ICE1: variants seen among roughly 807,000 people sequenced by gnomAD.
ICE1 encodes little elongation complex subunit 1.
ICE1 carries 64 observed loss-of-function variants against 192.7 expected under a neutral mutation model. That is an observed-to-expected ratio of 0.33 (90% CI 0.27 to 0.41). The LOEUF (loss-of-function observed/expected upper bound fraction) is 0.41. Among genes scored for constraint, ICE1 ranks in the 10% least tolerant of loss-of-function variants. The pLI is 1.00. For missense variants in ICE1, 2,708 were observed against 2,696.0 expected (o/e 1.00, Z -0.10); for synonymous variants, 1,010 against 984.5 (o/e 1.03, Z -0.49).
rs758310333 is a variant in ICE1, at chr5:5,457,400, G to A, written c.760G>A (p.Gly254Ser). Residue 254 changes from glycine (G) to serine (S), a missense_variant, in exon 12 of 19, where the codon GGC becomes AGC. This residue lies in a region of ICE1 where 2,366 missense variants were observed against 2,276.6 expected (regional missense o/e 1.04). Coordinates refer to ENST00000296564, the MANE Select transcript of ICE1 (RefSeq NM_015325.3). The stretch of plus-strand genomic sequence containing the variant: ...AGATGGTACGCTACCTCCAACACAG[G>A]GCAGCCCTCTCAGGACCTCAAATGT... ...GEDGTLPPTQ[G>S]SPLRTSNVQT... 2 of 1,613,700 alleles carry A rather than the reference G, an allele frequency of 1.2e-6. No homozygotes were observed. Among genetic ancestry groups the A allele is most frequent in the South Asian group, 1.1e-5 (1 of 91,042 alleles).
At chr5:5,436,608 A>C in intron 2 of ICE1, 132 bp downstream of exon 2, 1 of 478,008 alleles carries the variant, frequency 2.1e-6, no homozygotes, top group Middle Eastern at 3.0e-4. Context: ...CATGGTACTG[A>C]TTATAATTCC....
At chr5:5,480,276 GT>G (rs1239328845) in intron 17 of ICE1, among the ~76,000 whole-genome samples, 8,557 of 140,244 alleles carry the variant, frequency 0.061, 899 homozygotes, top group African/African-American at 0.22. Context: ...TTGAGATGGA[GT>G]CTGGCTCTGT....
Position 5,461,045 on chromosome 5 carries a change from G to A in ICE1, c.1711G>A (p.Glu571Lys), listed in dbSNP as rs749149749. The part of the protein sequence containing the change: ...SEFTKWTRIN[E>K]ITSEPDRITV... Reference sequence around the variant, plus strand: ...GTTTACTAAGTGGACACGAATTAATGAAATCACTTCTGAACCAGACCGTAT... The same window carrying A: ...GTTTACTAAGTGGACACGAATTAATAAAATCACTTCTGAACCAGACCGTAT... The change falls in exon 13 of 19, where the codon GAA becomes AAA. Residue 571 changes from glutamate to lysine, a missense_variant. Coordinates refer to ENST00000296564, the MANE Select transcript of ICE1 (RefSeq NM_015325.3). 1.2e-6 allele frequency: 2 copies of A among 1,614,052 alleles called. No individual in the cohort carries two copies. Among genetic ancestry groups the A allele is most frequent in the Non-Finnish European group, 1.7e-6 (2 of 1,179,898 alleles).
chr5:5,481,297 TG>T (rs1291008935), intron 17 of ICE1, among the ~76,000 whole-genome samples: 1 of 152,200 alleles, frequency 6.6e-6, no homozygotes, highest in African/African-American at 2.4e-5. Flanking sequence ...GTGATTTTTT[TG>T]TTCTTGTTTT....
chr5:5,448,011 G>A (rs1475901850), intron 10 of ICE1, 114 bp downstream of exon 10: 16 of 722,718 alleles, frequency 2.2e-5, no homozygotes, highest in African/African-American at 3.6e-5. Context: ...TAGATGTTTC[G>A]TTTTAGTAGA....
rs61736166 is a variant in ICE1 at position 5,463,284 on chromosome 5, A to G, written c.3950A>G (p.Glu1317Gly). 71 of 1,613,504 alleles carry G rather than the reference A, an allele frequency of 4.4e-5. No individual in the cohort carries two copies. Among genetic ancestry groups the G allele is most frequent in the Non-Finnish European group, 5.4e-5 (64 of 1,179,784 alleles). ...ACTGGCTCCTCATCACATGCTTCAG[A>G]ACCAACCCCACAAGCAGCTGCCTTG... is the stretch of plus-strand genomic sequence containing the variant. The part of the protein sequence containing the change: ...ETTGSSSHAS[E>G]PTPQAAALDT... The change falls in exon 13 of 19, where the codon GAA becomes GGA. Residue 1317 changes from glutamate (E) to glycine (G), a missense_variant. Glu to Gly is a moderately conservative substitution (Grantham distance 98, BLOSUM62 -2). This residue lies in a region of ICE1 where 2,366 missense variants were observed against 2,276.6 expected (regional missense o/e 1.04). Coordinates refer to ENST00000296564, the MANE Select transcript of ICE1 (RefSeq NM_015325.3).
At chr5:5,424,467 A>G (rs1487735488) in intron 1 of ICE1, among the ~76,000 whole-genome samples, 2 of 152,114 alleles carry the variant, frequency 1.3e-5, no homozygotes, top group Non-Finnish European at 1.5e-5. Context: ...AATTCACTCA[A>G]CAAACATTTA....
intron 1 of ICE1, among the ~76,000 whole-genome samples, chr5:5,423,488 T>C (rs1055115444): frequency 2.6e-5 from 4 of 152,218 alleles, no homozygotes; most frequent in African/African-American, 9.6e-5. Flanking sequence ...TTTCAGCTTA[T>C]AGCAGATGTG....
chr5:5,475,880 C>T (rs1377348382), intron 16 of ICE1, 93 bp from the exon 17 acceptor site: 1 of 778,068 alleles, frequency 1.3e-6, no homozygotes, highest in Non-Finnish European at 2.1e-6. Context: ...CAGCAGTTAT[C>T]CTCTTTCACT....
intron 17 of ICE1, among the ~76,000 whole-genome samples, chr5:5,476,875 A>G (rs1739330392): frequency 6.6e-6 from 1 of 152,188 alleles, no homozygotes; most frequent in Non-Finnish European, 1.5e-5. Context: ...TACTTGCTTG[A>G]TAAGGGTCAC....
At chr5:5,467,280 G>A (rs1244105967) in intron 14 of ICE1, among the ~76,000 whole-genome samples, 1 of 152,136 alleles carries the variant, frequency 6.6e-6, no homozygotes, top group Non-Finnish European at 1.5e-5. Context: ...AAAATCAGAT[G>A]GAGGTACACT....
rs1404649002 is a variant in ICE1 at position 5,457,191 on chromosome 5, T to C, written c.692-141T>C. 4.2e-6 allele frequency: 3 copies of C among 718,236 alleles called. No homozygotes were observed. The Admixed American group carries it at 9.8e-5, about 23-fold the overall frequency. The allele number at this position is 718,236 out of a possible 1,614,324, so 44.5% of individuals were successfully genotyped here. On this transcript the variant is annotated intron_variant, in intron 11 of 18. Coordinates refer to ENST00000296564, the MANE Select transcript of ICE1 (RefSeq NM_015325.3). ...TCTAGGATAATGTTTAGAAAGCGAT[T>C]GGTTGCCTTTTAAAAAATTACTTGG...
chr5:5,433,589 A>G (rs1737787254), intron 1 of ICE1, among the ~76,000 whole-genome samples: 1 of 152,176 alleles, frequency 6.6e-6, no homozygotes, highest in African/African-American at 2.4e-5. Context: ...TAGGGAGGGA[A>G]ATAAAAGCAA....
In ICE1 at chr5:5,461,143, T is replaced by G. The variant is rs1223627182; in HGVS notation, c.1809T>G (p.Thr603=). Residue 603 remains threonine (T), a synonymous_variant, in exon 13 of 19, where the codon ACT becomes ACG. Coordinates refer to ENST00000296564, the MANE Select transcript of ICE1 (RefSeq NM_015325.3). ...EKEKEDTQGF[T]LGESPESEDD... Reference sequence around the variant, plus strand: ...AAAAAGAAGATACTCAAGGGTTCACTTTAGGAGAATCACCTGAATCAGAAG... The same window carrying G: ...AAAAAGAAGATACTCAAGGGTTCACGTTAGGAGAATCACCTGAATCAGAAG... 3 of 1,613,996 alleles carry G rather than the reference T, an allele frequency of 1.9e-6. No individual in the cohort carries two copies. Among genetic ancestry groups the G allele is most frequent in the East Asian group, 2.2e-5 (1 of 44,890 alleles).
At chr5:5,479,983 G>A (rs1739449784) in intron 17 of ICE1, among the ~76,000 whole-genome samples, 1 of 151,994 alleles carries the variant, frequency 6.6e-6, no homozygotes, top group Non-Finnish European at 1.5e-5. Flanking sequence ...AATACCTGTG[G>A]GACTTAAAAC....
At position 5,466,316 on chromosome 5, in the gene ICE1, A is replaced by ATT; in HGVS notation, c.5893-10_5893-9dup. The ATT allele has an allele frequency of 6.4e-7, 1 of 1,563,854 alleles. No homozygotes were observed. ...AGTATGAGTGTACATTGCCTTTTTA[A>ATT]TTTTTTTTTCAATCCAGCATTTAGC... is the stretch of plus-strand genomic sequence containing the variant. On this transcript the variant is annotated splice_polypyrimidine_tract_variant and intron_variant, in intron 13 of 18. Coordinates refer to ENST00000296564, the MANE Select transcript of ICE1 (RefSeq NM_015325.3).
intron 10 of ICE1, among the ~76,000 whole-genome samples, chr5:5,448,149 C>T (rs778589729): frequency 6.6e-6 from 1 of 152,008 alleles, no homozygotes; most frequent in Non-Finnish European, 1.5e-5. Context: ...GGAGATATAA[C>T]ATCTGCTTTT....
chr5:5,423,344 CG>C (rs1737390230), intron 1 of ICE1, among the ~76,000 whole-genome samples: 1 of 152,084 alleles, frequency 6.6e-6, no homozygotes, highest in African/African-American at 2.4e-5. Context: ...ACAGGTGAAA[CG>C]CCGAGGGCAG....
chr5:5,448,231 A>G (rs1302589246), intron 10 of ICE1, among the ~76,000 whole-genome samples: 1 of 152,170 alleles, frequency 6.6e-6, no homozygotes, highest in Non-Finnish European at 1.5e-5. Flanking sequence ...TTTCCTGGGT[A>G]CCAAGTATAT....
Sources: allele counts gnomAD v4.1 joint callset (sites outside exome capture counted in the v4.1 genomes callset), GRCh38; gene constraint gnomAD v4.1.1; regional missense constraint gnomAD v4.1.1; transcripts MANE v1.5; gene names NCBI Gene and HGNC (gene_info 2026-07-23, HGNC 2026-07-21).